Variants in SLC10A7 observed in about 807,000 individuals in gnomAD.
SLC10A7 encodes the protein sodium/bile acid cotransporter 7.
In SLC10A7, 29 loss-of-function variants were observed where a neutral mutation model predicts 43.2. The observed-to-expected ratio is 0.67, with a 90% confidence interval of 0.50 to 0.92. SLC10A7 has a LOEUF of 0.92. Among genes scored for constraint, SLC10A7 ranks in the 40% least tolerant of loss-of-function variants. The pLI is 0.00. For synonymous variants in SLC10A7, 152 were observed against 144.8 expected, an observed-to-expected ratio of 1.05 and a Z score of -0.35; for missense variants, 295 against 403.2, an observed-to-expected ratio of 0.73 and a Z score of 2.30.
At chr4:146,256,772 G>A in intron 11 of SLC10A7, 2 of 1,348,976 alleles carry the variant, frequency 1.5e-6, no homozygotes, top group South Asian at 2.6e-5. Flanking sequence ...CTAGATGGTA[G>A]CCTTGGGTCT....
intron 4 of SLC10A7, among the ~76,000 whole-genome samples, chr4:146,447,108 T>C (rs1731161255): frequency 6.6e-6 from 1 of 152,170 alleles, no homozygotes; most frequent in African/African-American, 2.4e-5. Context: ...AACAGTATCT[T>C]GCTTTACTTC....
At position 146,514,009 on chromosome 4, in the gene SLC10A7, A is replaced by C. The variant is rs1318996156; in HGVS notation, c.183+3029T>G. The C allele has an allele frequency of 2.0e-5, 3 of 152,204 alleles. No individual in the cohort carries two copies. The East Asian group carries it at 5.8e-4, about 29-fold the overall frequency. 9.4% of individuals were successfully genotyped at this position (152,204 alleles called of 1,614,324 possible). A position where few individuals can be genotyped will look rare whatever the true frequency, so the allele number is the denominator to read the frequency against. Reference sequence around the variant, plus strand: ...CTGATTATACCAGAGTCTCATTGACAGCATCAAGCATTGCTTAAAACCAGG... The same window carrying C: ...CTGATTATACCAGAGTCTCATTGACCGCATCAAGCATTGCTTAAAACCAGG... On this transcript the variant is annotated intron_variant, in intron 2 of 11. Coordinates refer to ENST00000335472, the MANE Select transcript of SLC10A7 (RefSeq NM_001029998.6).
At chr4:146,261,438 A>G (rs1383406879) in intron 10 of SLC10A7, among the ~76,000 whole-genome samples, 2 of 152,184 alleles carry the variant, frequency 1.3e-5, no homozygotes, top group Non-Finnish European at 2.9e-5. Context: ...AGCTCCAGCT[A>G]CTTTCTGCAT....
At chr4:146,268,156 C>A (rs1467946749) in intron 10 of SLC10A7, among the ~76,000 whole-genome samples, 9 of 152,174 alleles carry the variant, frequency 5.9e-5, no homozygotes, top group Non-Finnish European at 1.0e-4. Flanking sequence ...TGCTCTCCTG[C>A]CTACCTTCCT....
In SLC10A7 at chr4:146,494,994, C is replaced by T. The variant is rs574434948; in HGVS notation, c.396+8855G>A. 1.8e-4 allele frequency among the ~76,000 whole-genome samples: 28 copies of T among 152,214 alleles called. No homozygotes were observed. In the East Asian group the frequency reaches 3.7e-3, roughly 20 times the overall value. On this transcript the variant is annotated intron_variant, in intron 4 of 11. Coordinates refer to ENST00000335472, the MANE Select transcript of SLC10A7 (RefSeq NM_001029998.6). ...ACCTCCTAAGAACTCTCGCCCAATC[C>T]GGAAAATAAGACTGAAGCTAAAAGG...
chr4:146,509,825 C>T, intron 3 of SLC10A7, 88 bp downstream of exon 3: 1 of 1,230,482 alleles, frequency 8.1e-7, no homozygotes, highest in Non-Finnish European at 1.1e-6. Flanking sequence ...TACACATAAG[C>T]CCTTTTGTAT....
intron 10 of SLC10A7, among the ~76,000 whole-genome samples, chr4:146,278,608 T>C (rs752688993): frequency 3.3e-5 from 5 of 152,178 alleles, no homozygotes; most frequent in Non-Finnish European, 7.4e-5. Context: ...TTCTGTAATA[T>C]GTTAACATTA....
intron 5 of SLC10A7, among the ~76,000 whole-genome samples, chr4:146,331,578 G>A (rs151303423): frequency 0.014 from 2,156 of 152,100 alleles, 21 homozygotes; most frequent in Non-Finnish European, 0.022. Context: ...CCATCCTGAT[G>A]GTTTCCTCAT....
chr4:146,385,623 T>C (rs767331902), intron 5 of SLC10A7, among the ~76,000 whole-genome samples: 3 of 152,202 alleles, frequency 2.0e-5, no homozygotes, highest in Non-Finnish European at 4.4e-5. Flanking sequence ...TTATTTTAGA[T>C]GCAAGGGGTA....
At chr4:146,355,481 C>T (rs373163177) in intron 5 of SLC10A7, among the ~76,000 whole-genome samples, 2 of 151,690 alleles carry the variant, frequency 1.3e-5, no homozygotes, top group African/African-American at 4.8e-5. Flanking sequence ...GTCAGTGTGG[C>T]GATTCCTCAG....
chr4:146,410,385 G>A (rs1728101865), intron 5 of SLC10A7, among the ~76,000 whole-genome samples: 1 of 152,038 alleles, frequency 6.6e-6, no homozygotes, highest in South Asian at 2.1e-4. Flanking sequence ...TTTTAAAATG[G>A]TCCTATTAAA....
chr4:146,445,891 C>CTGTGTGTGTG (rs10678013), intron 4 of SLC10A7, among the ~76,000 whole-genome samples: 32 of 148,690 alleles, frequency 2.2e-4, no homozygotes, highest in African/African-American at 7.4e-4. Context: ...CTTCTCTCTT[C>CTGTGTGTGTG]TGTGTGTGTG....
In SLC10A7 at chr4:146,305,931, C is replaced by T. The variant is rs1352024997; in HGVS notation, c.550G>A (p.Gly184Arg). ...FMTVVVPLII[G>R]QIVRRYIKDW... ...GATAGAATTGGAGGCCTTACCTGTC[C>T]AATGATGAGAGGAACCACAACAGTC... Residue 184 changes from glycine (G) to arginine (R), a missense_variant, in exon 7 of 12, where the codon GGA (glycine) becomes AGA (arginine). By Grantham distance (125) the Gly-to-Arg change is moderately radical. Transcript: ENST00000335472. The T allele has an allele frequency of 6.2e-7, 1 of 1,606,158 alleles. No homozygotes were observed. Among genetic ancestry groups the T allele is most frequent in the Non-Finnish European group, 8.5e-7 (1 of 1,177,132 alleles).
chr4:146,397,840 G>A (rs560880318), intron 5 of SLC10A7, among the ~76,000 whole-genome samples: 2 of 152,276 alleles, frequency 1.3e-5, no homozygotes, highest in African/African-American at 4.8e-5. Context: ...ATTCTCTGGG[G>A]TATGATTTAA....
chr4:146,397,911 C>T (rs1249927441), intron 5 of SLC10A7, among the ~76,000 whole-genome samples: 10 of 152,088 alleles, frequency 6.6e-5, no homozygotes, highest in African/African-American at 9.7e-5. Flanking sequence ...CAATAACAAA[C>T]GAAGTTGTTC....
At chr4:146,325,086 AC>A (rs1282053395) in intron 6 of SLC10A7, among the ~76,000 whole-genome samples, 5 of 152,212 alleles carry the variant, frequency 3.3e-5, no homozygotes, top group Non-Finnish European at 7.3e-5. Context: ...TAATTATACT[AC>A]AATTAAATAA....
At chr4:146,365,799 T>A (rs1435488258) in intron 5 of SLC10A7, among the ~76,000 whole-genome samples, 1 of 152,196 alleles carries the variant, frequency 6.6e-6, no homozygotes, top group Non-Finnish European at 1.5e-5. Context: ...ACAAGTTACT[T>A]AATGTCCTTT....
At chr4:146,436,867 G>A (rs1055311997) in intron 5 of SLC10A7, among the ~76,000 whole-genome samples, 9 of 152,004 alleles carry the variant, frequency 5.9e-5, no homozygotes, top group Non-Finnish European at 1.0e-4. Flanking sequence ...TTCTATTCAC[G>A]ACAAGATAGT....
At chr4:146,257,319 T>A (rs1727945543) in intron 11 of SLC10A7, among the ~76,000 whole-genome samples, 1 of 152,222 alleles carries the variant, frequency 6.6e-6, no homozygotes, top group East Asian at 1.9e-4. Flanking sequence ...AGAGGAATCT[T>A]TTTTATGTTA....
Sources: gnomAD v4.1 joint callset for allele counts (sites outside exome capture counted in the v4.1 genomes callset) on GRCh38, gnomAD v4.1.1 for gene constraint, MANE v1.5 for transcripts, NCBI Gene and HGNC (gene_info 2026-07-23, HGNC 2026-07-21) for gene names.